SHISA9: variants seen among roughly 807,000 people sequenced by gnomAD.
SHISA9 encodes protein shisa-9.
SHISA9 carries 13 observed loss-of-function variants against 38.0 expected under a neutral mutation model. The ratio of observed to expected loss-of-function variants is 0.34; its 90% CI spans 0.22 to 0.54. The LOEUF (loss-of-function observed/expected upper bound fraction) is 0.54, where lower values mean the gene tolerates loss of function less well. Among genes scored for constraint, SHISA9 ranks in the 20% least tolerant of loss-of-function variants. The probability of loss-of-function intolerance (pLI) is 0.91; values close to 1 mark genes in which losing one functional copy is unlikely to be tolerated. For missense variants in SHISA9, 538 were observed against 575.8 expected (o/e 0.93, Z 0.67); for synonymous variants, 275 against 242.0 (o/e 1.14, Z -1.27).
the SHISA9 span, among the ~76,000 whole-genome samples, chr16:13,504,229 A>C: frequency 6.6e-6 from 1 of 151,874 alleles, no homozygotes; most frequent in African/African-American, 2.4e-5. Flanking sequence ...GTATTGCAAT[A>C]CCCAAATTGC....
the SHISA9 span, among the ~76,000 whole-genome samples, chr16:13,373,770 A>G: frequency 6.6e-6 from 1 of 152,066 alleles, no homozygotes; most frequent in Admixed American, 6.5e-5. Flanking sequence ...CAAAAAAAAA[A>G]AAAAAAAAAG....
chr16:13,496,366 T>G, the SHISA9 span, among the ~76,000 whole-genome samples: 3 of 152,180 alleles, frequency 2.0e-5, no homozygotes, highest in South Asian at 6.2e-4. Context: ...TAAGTAACAA[T>G]AAGGCACTTG....
chr16:13,119,147 G>A (rs985882312), intron 2 of SHISA9, among the ~76,000 whole-genome samples: 6 of 151,820 alleles, frequency 4.0e-5, no homozygotes, highest in African/African-American at 9.7e-5. Context: ...GATTACAGGC[G>A]TGAGCCACCG....
chr16:12,938,843 T>C (rs1010304194), intron 2 of SHISA9, among the ~76,000 whole-genome samples: 2 of 152,102 alleles, frequency 1.3e-5, no homozygotes, highest in African/African-American at 4.8e-5. Context: ...ATTTTTGTGG[T>C]GTATCTTAAT....
the SHISA9 span, among the ~76,000 whole-genome samples, chr16:13,366,447 T>C: frequency 4.6e-5 from 7 of 152,336 alleles, 1 homozygote; most frequent in South Asian, 1.5e-3. Flanking sequence ...GAAACACAGA[T>C]TTGGATTCAG....
At chr16:13,334,502 T>A in the SHISA9 span, among the ~76,000 whole-genome samples, 1 of 152,094 alleles carries the variant, frequency 6.6e-6, no homozygotes, top group African/African-American at 2.4e-5. Flanking sequence ...AGGCCGGGTG[T>A]GTTGGCTCAT....
chr16:12,991,691 A>G (rs192770853), intron 2 of SHISA9, among the ~76,000 whole-genome samples: 29 of 152,314 alleles, frequency 1.9e-4, no homozygotes, highest in African/African-American at 2.4e-4. Context: ...AGCTGAGTCA[A>G]TCTTTTCTTC....
the SHISA9 span, among the ~76,000 whole-genome samples, chr16:13,515,102 C>A: frequency 6.6e-6 from 1 of 152,096 alleles, no homozygotes; most frequent in Non-Finnish European, 1.5e-5. Context: ...GTGAGAATAT[C>A]TTTCAAAACT....
At chr16:13,173,373 C>T (rs936059678) in intron 2 of SHISA9, among the ~76,000 whole-genome samples, 12 of 135,894 alleles carry the variant, frequency 8.8e-5, no homozygotes, top group African/African-American at 3.3e-4. Flanking sequence ...TGTATGTGTG[C>T]ATGTACACAC....
chr16:12,951,351 T>G (rs1309353906), intron 2 of SHISA9, among the ~76,000 whole-genome samples: 1 of 150,444 alleles, frequency 6.6e-6, no homozygotes, highest in Non-Finnish European at 1.5e-5. Context: ...GGGGTAGAAG[T>G]CGACACACTT....
At chr16:13,376,278 A>G in the SHISA9 span, among the ~76,000 whole-genome samples, 1 of 152,240 alleles carries the variant, frequency 6.6e-6, no homozygotes, top group Non-Finnish European at 1.5e-5. Flanking sequence ...GAGCAATTAT[A>G]ATATGTTCAG....
intron 2 of SHISA9, among the ~76,000 whole-genome samples, chr16:13,167,438 G>A (rs948699217): frequency 2.0e-5 from 3 of 152,058 alleles, no homozygotes; most frequent in African/African-American, 7.2e-5. Context: ...TAGAACACTC[G>A]CCTCCCTTGA....
the SHISA9 span, among the ~76,000 whole-genome samples, chr16:13,478,918 A>G: frequency 6.6e-6 from 1 of 152,168 alleles, no homozygotes; most frequent in Non-Finnish European, 1.5e-5. Flanking sequence ...CAGGTAACAC[A>G]TTGTATTAGT....
chr16:13,246,772 A>C, the SHISA9 span, among the ~76,000 whole-genome samples: 3 of 152,102 alleles, frequency 2.0e-5, no homozygotes, highest in Admixed American at 6.6e-5. Flanking sequence ...CTGAGATTTC[A>C]GGGTTTATCT....
At chr16:13,409,239 C>A in the SHISA9 span, among the ~76,000 whole-genome samples, 4 of 152,208 alleles carry the variant, frequency 2.6e-5, no homozygotes, top group Non-Finnish European at 5.9e-5. Flanking sequence ...AGTTCCCCAT[C>A]CATTCCGCTG....
At chr16:12,925,003 A>G (rs1463837252) in intron 2 of SHISA9, among the ~76,000 whole-genome samples, 1 of 152,230 alleles carries the variant, frequency 6.6e-6, no homozygotes, top group African/African-American at 2.4e-5. Flanking sequence ...CATAAATATT[A>G]GTTGTTACTA....
chr16:13,181,709 A>T (rs538102371), intron 2 of SHISA9, among the ~76,000 whole-genome samples: 1 of 152,042 alleles, frequency 6.6e-6, no homozygotes, highest in Non-Finnish European at 1.5e-5. Flanking sequence ...AGGTATCTCA[A>T]TAGGAGGTCC....
chr16:13,205,034 T>C (rs533284482), intron 3 of SHISA9: 1 of 152,294 alleles, frequency 6.6e-6, no homozygotes, highest in Non-Finnish European at 1.5e-5. Flanking sequence ...GACTCCTGAT[T>C]GGCTGTGGCA....
chr16:13,185,219 A>G (rs1675195682), intron 2 of SHISA9, among the ~76,000 whole-genome samples: 1 of 152,160 alleles, frequency 6.6e-6, no homozygotes, highest in Admixed American at 6.5e-5. Flanking sequence ...GCTTGTTCTT[A>G]GAAACAGGGT....
Sources: allele counts gnomAD v4.1 joint callset (sites outside exome capture counted in the v4.1 genomes callset), GRCh38; gene constraint gnomAD v4.1.1; transcripts MANE v1.5; gene names NCBI Gene and HGNC (gene_info 2026-07-23, HGNC 2026-07-21).